The following ARHGAP12 variants were observed in gnomAD, a reference collection of about 807,000 sequenced individuals.
ARHGAP12 encodes the protein Rho GTPase activating protein 12.
ARHGAP12 carries 64 observed loss-of-function variants against 108.6 expected under a neutral mutation model. The ratio of observed to expected loss-of-function variants is 0.59; its 90% confidence interval spans 0.48 to 0.73. The LOEUF (loss-of-function observed/expected upper bound fraction) is 0.73, where lower values mean the gene tolerates loss of function less well. ARHGAP12 is among the 30% of genes least tolerant of loss of function. The pLI is 0.00. For synonymous variants in ARHGAP12, 312 were observed against 337.2 expected (o/e 0.93, Z 0.82); for missense variants, 940 against 1,005.9 (o/e 0.93, Z 0.89).
intron 14 of ARHGAP12, among the ~76,000 whole-genome samples, chr10:31,813,949 T>G (rs568508970): frequency 6.6e-6 from 1 of 152,324 alleles, no homozygotes; most frequent in East Asian, 1.9e-4. Flanking sequence ...AGTAAGTATA[T>G]ATTTTTAAAT....
At chr10:31,810,239 T>C (rs1196235150) in intron 16 of ARHGAP12, among the ~76,000 whole-genome samples, 1 of 152,158 alleles carries the variant, frequency 6.6e-6, no homozygotes, top group Non-Finnish European at 1.5e-5. Context: ...TGTGGTTGAC[T>C]TAACCATTTA....
intron 3 of ARHGAP12, among the ~76,000 whole-genome samples, chr10:31,875,701 A>G (rs1837703259): frequency 1.3e-5 from 2 of 152,244 alleles, no homozygotes; most frequent in South Asian, 4.1e-4. Context: ...CATAAAATGT[A>G]CCACTTTAAC....
intron 1 of ARHGAP12, among the ~76,000 whole-genome samples, chr10:31,920,763 T>C (rs190896021): frequency 2.6e-5 from 4 of 152,292 alleles, no homozygotes; most frequent in Admixed American, 6.5e-5. Flanking sequence ...GAGTGCTAAA[T>C]AGCACAGCCA....
rs1390611085 is a variant in ARHGAP12 at position 31,805,585 on chromosome 10, C to T, written c.*2073G>A. The T allele has an allele frequency of 1.3e-5, 2 of 151,474 alleles. No homozygotes were observed. Among genetic ancestry groups the T allele is most frequent in the African/African-American group, 4.9e-5 (2 of 41,106 alleles). 9.4% of individuals were successfully genotyped at this position (151,474 alleles called of 1,614,324 possible). On this transcript the variant is annotated 3_prime_UTR_variant, in exon 20 of 20. Transcript: ENST00000344936. Reference sequence around the variant, plus strand: ...AAGGATGAAAACGCAAGACATTAATCTCACTGTACATACAATATTACAATA... The same window carrying T: ...AAGGATGAAAACGCAAGACATTAATTTCACTGTACATACAATATTACAATA...
At chr10:31,900,797 G>GTT (rs1390512279) in intron 3 of ARHGAP12, among the ~76,000 whole-genome samples, 2 of 151,966 alleles carry the variant, frequency 1.3e-5, no homozygotes, top group Non-Finnish European at 2.9e-5. Context: ...ACCCATTTAA[G>GTT]TTTACCACAC....
At chr10:31,846,380 C>T (rs1592282491) in intron 6 of ARHGAP12, among the ~76,000 whole-genome samples, 1 of 152,202 alleles carries the variant, frequency 6.6e-6, no homozygotes, top group South Asian at 2.1e-4. Flanking sequence ...AGACTTCCTA[C>T]AGCAACTCTT....
intron 3 of ARHGAP12, among the ~76,000 whole-genome samples, chr10:31,887,286 C>T (rs566976822): frequency 6.6e-6 from 1 of 152,202 alleles, no homozygotes; most frequent in South Asian, 2.1e-4. Flanking sequence ...GGATGAGGCC[C>T]ACCCACATTA....
chr10:31,863,784 TC>T (rs1837222226), intron 3 of ARHGAP12, among the ~76,000 whole-genome samples: 1 of 152,120 alleles, frequency 6.6e-6, no homozygotes, highest in Non-Finnish European at 1.5e-5. Flanking sequence ...AACACGATCA[TC>T]TCTACAGACA....
intron 3 of ARHGAP12, among the ~76,000 whole-genome samples, chr10:31,888,892 G>C (rs536469462): frequency 2.0e-5 from 3 of 151,588 alleles, no homozygotes; most frequent in African/African-American, 7.2e-5. Flanking sequence ...AGAAAAGATG[G>C]ATGGGAGGTG....
chr10:31,852,819 G>A (rs1836743372), intron 5 of ARHGAP12, among the ~76,000 whole-genome samples: 1 of 141,734 alleles, frequency 7.1e-6, no homozygotes, highest in South Asian at 2.2e-4. Flanking sequence ...CCAGGTTCAA[G>A]CAGTTCAAGC....
intron 3 of ARHGAP12, among the ~76,000 whole-genome samples, chr10:31,889,472 A>G (rs1219108632): frequency 6.6e-6 from 1 of 152,112 alleles, no homozygotes; most frequent in Non-Finnish European, 1.5e-5. Context: ...TCACCTTTGC[A>G]CTCAAATAAA....
chr10:31,896,527 C>G (rs1838704292), intron 3 of ARHGAP12, among the ~76,000 whole-genome samples: 1 of 152,026 alleles, frequency 6.6e-6, no homozygotes, highest in Non-Finnish European at 1.5e-5. Flanking sequence ...TCCCCAGTTT[C>G]AGATCATACT....
At chr10:31,847,228 T>C (rs1836496075) in intron 6 of ARHGAP12, among the ~76,000 whole-genome samples, 2 of 152,152 alleles carry the variant, frequency 1.3e-5, no homozygotes, top group Non-Finnish European at 2.9e-5. Flanking sequence ...AACCTACTGA[T>C]TGTCTTTTCT....
At chr10:31,919,930 A>C (rs538613719) in intron 1 of ARHGAP12, among the ~76,000 whole-genome samples, 1 of 152,082 alleles carries the variant, frequency 6.6e-6, no homozygotes, top group South Asian at 2.1e-4. Flanking sequence ...AGCCTGACCA[A>C]CATGGTGAAA....
intron 6 of ARHGAP12, among the ~76,000 whole-genome samples, chr10:31,851,702 G>A (rs369719397): frequency 2.0e-5 from 3 of 152,040 alleles, no homozygotes; most frequent in Non-Finnish European, 4.4e-5. Flanking sequence ...CTAGATTAGC[G>A]TTTCCGAACT....
At position 31,817,710 on chromosome 10, in the gene ARHGAP12, C is replaced by T. The variant is rs372319703; in HGVS notation, c.1731+78G>A. Reference sequence around the variant, plus strand: ...GCCTTTTCACATATAGATTGCAATCCGGATATCCAATAAGCAATTAAAAAA... The same window carrying T: ...GCCTTTTCACATATAGATTGCAATCTGGATATCCAATAAGCAATTAAAAAA... On this transcript the variant is annotated intron_variant, in intron 13 of 19. Coordinates refer to ENST00000344936, the MANE Select transcript of ARHGAP12 (RefSeq NM_018287.7). 1.2e-4 allele frequency: 105 copies of T among 912,124 alleles called. No individual in the cohort carries two copies. The African/African-American group carries it at 1.5e-3, about 13-fold the overall frequency. The allele number at this position is 912,124 out of a possible 1,614,324, so 56.5% of individuals were successfully genotyped here.
chr10:31,872,264 C>T (rs763917454), intron 3 of ARHGAP12, among the ~76,000 whole-genome samples: 7 of 152,172 alleles, frequency 4.6e-5, no homozygotes, highest in Non-Finnish European at 1.0e-4. Context: ...TACCTAAACT[C>T]TATTGCTTCA....
In ARHGAP12 at chr10:31,918,117, A is replaced by G. The variant is rs1564434712; in HGVS notation, c.-110-7554T>C. ...ACTACAGGTACGTACCACCACACCT[A>G]GCTAATTTTTAATCTTTTTAGAGAT... On this transcript the variant is annotated intron_variant, in intron 1 of 19. Transcript: ENST00000344936. 2.0e-5 allele frequency among the ~76,000 whole-genome samples: 3 copies of G among 152,092 alleles called. No individual in the cohort carries two copies. In the East Asian group the frequency reaches 5.8e-4, roughly 29 times the overall value.
chr10:31,833,265 C>T (rs1307094640), intron 9 of ARHGAP12, among the ~76,000 whole-genome samples: 1 of 150,280 alleles, frequency 6.7e-6, no homozygotes, highest in Non-Finnish European at 1.5e-5. Flanking sequence ...AGCTAGGGAA[C>T]TCAGCAATTG....
Sources: gnomAD v4.1 joint callset for allele counts (sites outside exome capture counted in the v4.1 genomes callset) on GRCh38, gnomAD v4.1.1 for gene constraint, MANE v1.5 for transcripts, NCBI Gene and HGNC (gene_info 2026-07-23, HGNC 2026-07-21) for gene names.